The following PIK3R3 variants were observed in gnomAD, a reference collection of about 807,000 sequenced individuals.
PIK3R3 encodes phosphoinositide-3-kinase regulatory subunit 3.
A neutral mutation model predicts 62.9 loss-of-function variants in PIK3R3; 64 were observed. The observed-to-expected ratio is 1.02, with a 90% confidence interval of 0.83 to 1.25. The LOEUF (loss-of-function observed/expected upper bound fraction) is 1.25, where lower values mean the gene tolerates loss of function less well. Ranked by LOEUF, PIK3R3 falls within the 50% of genes most tolerant of loss-of-function variation. The pLI, the probability that PIK3R3 is intolerant of heterozygous loss-of-function variation, is 0.00. For synonymous variants in PIK3R3, 165 were observed against 189.0 expected, an observed-to-expected ratio of 0.87 and a Z score of 1.04; for missense variants, 614 against 561.6, an observed-to-expected ratio of 1.09 and a Z score of -0.94.
At chr1:46,097,882 T>TC (rs1033364409) in intron 1 of PIK3R3, among the ~76,000 whole-genome samples, 3 of 102,462 alleles carry the variant, frequency 2.9e-5, no homozygotes, top group African/African-American at 7.9e-5. Flanking sequence ...AGAGGGAAAC[T>TC]CCATCTCAAA....
At chr1:46,073,392 C>T (rs1421611218) in intron 3 of PIK3R3, among the ~76,000 whole-genome samples, 1 of 152,134 alleles carries the variant, frequency 6.6e-6, no homozygotes, top group Non-Finnish European at 1.5e-5. Context: ...TGATGGGGTT[C>T]TCCTCACAAA....
the PIK3R3 span, among the ~76,000 whole-genome samples, chr1:46,147,724 C>A: frequency 6.6e-6 from 1 of 152,152 alleles, no homozygotes; most frequent in Non-Finnish European, 1.5e-5. Context: ...CATGCCCAGC[C>A]AGAACTCTGT....
At chr1:46,148,867 T>C in the PIK3R3 span, among the ~76,000 whole-genome samples, 1 of 152,002 alleles carries the variant, frequency 6.6e-6, no homozygotes, top group Non-Finnish European at 1.5e-5. Context: ...CCTTTAGGCA[T>C]TGAAACCAGA....
At chr1:46,154,284 C>G in the PIK3R3 span, among the ~76,000 whole-genome samples, 23 of 152,214 alleles carry the variant, frequency 1.5e-4, no homozygotes, top group African/African-American at 5.5e-4. Flanking sequence ...AGTTCAGAAT[C>G]CTGTTGAGCA....
chr1:46,097,591 A>C (rs1422325674), intron 1 of PIK3R3, among the ~76,000 whole-genome samples: 3 of 151,640 alleles, frequency 2.0e-5, no homozygotes, highest in Admixed American at 6.6e-5. Context: ...CACTATAATT[A>C]AGATTCTAGC....
intron 1 of PIK3R3, among the ~76,000 whole-genome samples, chr1:46,098,840 A>G (rs1652387801): frequency 1.3e-5 from 2 of 151,722 alleles, no homozygotes; most frequent in South Asian, 2.1e-4. Flanking sequence ...AACTGGGACT[A>G]CAGGCACACG....
At chr1:46,165,398 C>T in the PIK3R3 span, among the ~76,000 whole-genome samples, 602 of 150,090 alleles carry the variant, frequency 4.0e-3, 5 homozygotes, top group East Asian at 0.025. Context: ...TTCCCCCTCC[C>T]AGGTTCAAGT....
chr1:46,160,765 C>T, the PIK3R3 span, among the ~76,000 whole-genome samples: 1 of 152,210 alleles, frequency 6.6e-6, no homozygotes, highest in South Asian at 2.1e-4. Flanking sequence ...ATGCCCATCA[C>T]TAAACCAATT....
chr1:46,066,102 C>T lies in PIK3R3; in HGVS notation c.573G>A (p.Lys191=). The T allele has an allele frequency of 6.2e-7, 1 of 1,604,816 alleles. No homozygotes were observed. ...LQEYHSQYQE[K]SKEYDRLYEE... is the part of the protein sequence containing the mutation. ...CATACAGCCTATCATACTCTTTACT[C>T]TTCTCCTGATACTGAGAGTGGTATT... is the stretch of plus-strand genomic sequence containing the variant. The change falls in exon 5 of 10, where the codon AAG becomes AAA. Residue 191 remains lysine, a synonymous_variant. Transcript: ENST00000262741.
chr1:46,082,569 C>A (rs1650699003), intron 1 of PIK3R3, among the ~76,000 whole-genome samples: 1 of 152,116 alleles, frequency 6.6e-6, no homozygotes, highest in Non-Finnish European at 1.5e-5. Flanking sequence ...GGAAAATGTT[C>A]TTGTTTGTGG....
At chr1:46,134,794 G>A (rs1429831139), upstream of PIK3R3, 1 of 152,198 alleles carries the variant, frequency 6.6e-6, no homozygotes, top group Admixed American at 6.5e-5. Context: ...TCAGCATTTA[G>A]TGGTGGGGTT....
At chr1:46,104,028 C>T (rs965299573) in intron 1 of PIK3R3, among the ~76,000 whole-genome samples, 3 of 151,398 alleles carry the variant, frequency 2.0e-5, no homozygotes, top group Non-Finnish European at 4.4e-5. Context: ...CGGGTTCAAG[C>T]AATTCTCCTG....
At chr1:46,170,440 G>A in the PIK3R3 span, among the ~76,000 whole-genome samples, 1 of 151,954 alleles carries the variant, frequency 6.6e-6, no homozygotes, top group Non-Finnish European at 1.5e-5. Flanking sequence ...TTTGTTTTGA[G>A]ACAAAGTCTA....
chr1:46,131,152 C>G (rs1655548038), intron 1 of PIK3R3, among the ~76,000 whole-genome samples: 1 of 152,126 alleles, frequency 6.6e-6, no homozygotes, highest in South Asian at 2.1e-4. Context: ...ACATTAAACC[C>G]TATCCCATAA....
intron 1 of PIK3R3, among the ~76,000 whole-genome samples, chr1:46,110,786 T>C (rs990677769): frequency 1.3e-5 from 2 of 151,192 alleles, no homozygotes; most frequent in African/African-American, 4.9e-5. Flanking sequence ...GAAGTAATTA[T>C]GCTGAACAGC....
At chr1:46,122,245 T>C (rs1466560147) in intron 1 of PIK3R3, among the ~76,000 whole-genome samples, 1 of 152,224 alleles carries the variant, frequency 6.6e-6, no homozygotes, top group African/African-American at 2.4e-5. Context: ...TGGCTCACTT[T>C]ACTTGTTAAA....
chr1:46,077,964 A>G (rs1650225225), intron 2 of PIK3R3, among the ~76,000 whole-genome samples: 1 of 152,212 alleles, frequency 6.6e-6, no homozygotes, highest in African/African-American at 2.4e-5. Flanking sequence ...GTTTAGAAAG[A>G]AGGTTATATT....
chr1:46,122,344 C>G (rs1413771633), intron 1 of PIK3R3, among the ~76,000 whole-genome samples: 2 of 152,078 alleles, frequency 1.3e-5, no homozygotes, highest in Non-Finnish European at 2.9e-5. Context: ...TTATTTAAAA[C>G]TAACCTAATA....
At chr1:46,117,381 C>A (rs1654279216) in intron 1 of PIK3R3, among the ~76,000 whole-genome samples, 1 of 151,486 alleles carries the variant, frequency 6.6e-6, no homozygotes, top group Non-Finnish European at 1.5e-5. Context: ...TACAGTGAGC[C>A]ATGTTTGTGC....
Sources: allele counts gnomAD v4.1 joint callset (sites outside exome capture counted in the v4.1 genomes callset), GRCh38; gene constraint gnomAD v4.1.1; transcripts MANE v1.5; gene names NCBI Gene and HGNC (gene_info 2026-07-23, HGNC 2026-07-21).